Variants in STPG2 observed in about 807,000 individuals in gnomAD.
STPG2 encodes the protein sperm-tail PG-rich repeat-containing protein 2.
STPG2 carries 56 observed loss-of-function variants against 54.2 expected under a neutral mutation model. The observed-to-expected ratio is 1.03, with a 90% CI of 0.83 to 1.29. The LOEUF (loss-of-function observed/expected upper bound fraction) is 1.29, where lower values mean the gene tolerates loss of function less well. STPG2 is among the 50% of genes most tolerant of loss of function. The pLI is 0.00. For missense variants in STPG2, 596 were observed against 544.9 expected (o/e 1.09, Z -0.93); for synonymous variants, 200 against 181.8 (o/e 1.10, Z -0.81).
intron 4 of STPG2, among the ~76,000 whole-genome samples, chr4:97,530,374 G>A (rs768472673): frequency 1.2e-4 from 18 of 152,150 alleles, no homozygotes; most frequent in East Asian, 3.8e-4. Flanking sequence ...ATAACTGTGC[G>A]AAGGAATGAA....
At chr4:97,944,278 C>A (rs60420449) in intron 7 of STPG2, among the ~76,000 whole-genome samples, 1 of 151,886 alleles carries the variant, frequency 6.6e-6, no homozygotes, top group East Asian at 1.9e-4. Flanking sequence ...TAGCTATGTT[C>A]TATTTCATAA....
At chr4:98,139,463 A>G (rs1041828254) in intron 1 of STPG2, among the ~76,000 whole-genome samples, 1 of 152,166 alleles carries the variant, frequency 6.6e-6, no homozygotes, top group African/African-American at 2.4e-5. Context: ...TTCTCACATC[A>G]TACTCCATAA....
At chr4:97,676,849 G>A (rs1428492673) in intron 10 of STPG2, among the ~76,000 whole-genome samples, 1 of 152,052 alleles carries the variant, frequency 6.6e-6, no homozygotes, top group African/African-American at 2.4e-5. Context: ...TGAATCCCAA[G>A]GCAAATGACC....
chr4:98,086,362 A>G (rs1387589084), intron 5 of STPG2, among the ~76,000 whole-genome samples: 1 of 152,104 alleles, frequency 6.6e-6, no homozygotes, highest in African/African-American at 2.4e-5. Flanking sequence ...ATAGTTTTTC[A>G]GTGCTGATGA....
At chr4:98,137,873 AAATT>A (rs1018310774) in intron 1 of STPG2, among the ~76,000 whole-genome samples, 6 of 152,090 alleles carry the variant, frequency 3.9e-5, no homozygotes, top group African/African-American at 4.8e-5. Flanking sequence ...AAGTTTTCCA[AAATT>A]AATTATATAG....
At chr4:97,733,323 T>G (rs1724867299) in intron 9 of STPG2, among the ~76,000 whole-genome samples, 1 of 151,804 alleles carries the variant, frequency 6.6e-6, no homozygotes, top group African/African-American at 2.4e-5. Context: ...TTACTCTAAG[T>G]GAAATAACAC....
intron 10 of STPG2, among the ~76,000 whole-genome samples, chr4:97,649,759 G>A (rs1418981815): frequency 6.6e-6 from 1 of 152,114 alleles, no homozygotes; most frequent in Non-Finnish European, 1.5e-5. Flanking sequence ...TCCTAGAGCA[G>A]CGATCCCCAA....
chr4:97,971,598 T>C (rs767770288), intron 7 of STPG2, among the ~76,000 whole-genome samples: 3 of 151,926 alleles, frequency 2.0e-5, no homozygotes, highest in Non-Finnish European at 2.9e-5. Flanking sequence ...AATTAAACAA[T>C]GAGAACACTT....
intron 10 of STPG2, among the ~76,000 whole-genome samples, chr4:97,698,515 A>G (rs1252413803): frequency 6.6e-6 from 1 of 152,108 alleles, no homozygotes. Context: ...TGGTGGCAGC[A>G]TTCCTCCCTC....
chr4:97,932,620 G>C (rs1015739397), intron 8 of STPG2, among the ~76,000 whole-genome samples: 8 of 152,112 alleles, frequency 5.3e-5, no homozygotes, highest in Non-Finnish European at 1.0e-4. Context: ...TGCAGTGTTT[G>C]GTTTTCTGTT....
chr4:97,806,053 G>A (rs528705869), intron 9 of STPG2, among the ~76,000 whole-genome samples: 4 of 152,124 alleles, frequency 2.6e-5, no homozygotes, highest in Non-Finnish European at 5.9e-5. Context: ...ACATGCACTG[G>A]TATGTTCAAC....
intron 5 of STPG2, among the ~76,000 whole-genome samples, chr4:98,018,485 CA>C (rs1257722635): frequency 6.6e-6 from 1 of 152,136 alleles, no homozygotes; most frequent in Non-Finnish European, 1.5e-5. Context: ...CATACGTGTG[CA>C]TGTGTCTTTA....
chr4:97,601,340 C>T (rs1302686517), intron 10 of STPG2, among the ~76,000 whole-genome samples: 3 of 151,892 alleles, frequency 2.0e-5, no homozygotes, highest in African/African-American at 7.2e-5. Flanking sequence ...CAGACTTCTT[C>T]TAATATGTTA....
intron 9 of STPG2, among the ~76,000 whole-genome samples, chr4:97,835,490 A>G (rs1728603938): frequency 6.6e-6 from 1 of 152,092 alleles, no homozygotes; most frequent in Admixed American, 6.6e-5. Flanking sequence ...CTTACAAAAT[A>G]AAAATGTTAC....
At chr4:97,925,621 C>T (rs141485555) in intron 8 of STPG2, among the ~76,000 whole-genome samples, 1 of 152,256 alleles carries the variant, frequency 6.6e-6, no homozygotes, top group East Asian at 1.9e-4. Flanking sequence ...GTCCAAGAAT[C>T]TAAGAATTTT....
intron 9 of STPG2, among the ~76,000 whole-genome samples, chr4:97,730,248 T>A (rs1480810735): frequency 6.6e-6 from 1 of 152,106 alleles, no homozygotes; most frequent in Non-Finnish European, 1.5e-5. Context: ...AGTGAGAACA[T>A]GAGGAATTTG....
At chr4:97,755,270 C>T (rs1489719369) in intron 9 of STPG2, among the ~76,000 whole-genome samples, 1 of 152,150 alleles carries the variant, frequency 6.6e-6, no homozygotes, top group Non-Finnish European at 1.5e-5. Flanking sequence ...TGCCCACTAA[C>T]AATATACTTG....
intron 10 of STPG2, among the ~76,000 whole-genome samples, chr4:97,600,508 T>C (rs1219022104): frequency 2.0e-5 from 3 of 152,188 alleles, no homozygotes; most frequent in African/African-American, 7.2e-5. Context: ...ATGCCTATTT[T>C]ACATTGGCGA....
At chr4:97,800,062 T>C (rs1242145048) in intron 9 of STPG2, among the ~76,000 whole-genome samples, 1 of 152,230 alleles carries the variant, frequency 6.6e-6, no homozygotes, top group Admixed American at 6.5e-5. Context: ...TCTACACTGA[T>C]TATTCTAGTT....
Sources: gnomAD v4.1 joint callset for allele counts (sites outside exome capture counted in the v4.1 genomes callset) on GRCh38, gnomAD v4.1.1 for gene constraint, MANE v1.5 for transcripts, NCBI Gene and HGNC (gene_info 2026-07-23, HGNC 2026-07-21) for gene names.